Variants in PARN observed in about 807,000 individuals in gnomAD.
The protein encoded by PARN is poly(A)-specific ribonuclease PARN.
PARN carries 71 observed loss-of-function variants against 102.8 expected under a neutral mutation model. The ratio of observed to expected loss-of-function variants is 0.69; its 90% CI spans 0.57 to 0.84. The LOEUF is 0.84. Among genes scored for constraint, PARN ranks in the 40% least tolerant of loss-of-function variants. The pLI is 0.00. For synonymous variants in PARN, 261 were observed against 252.9 expected, an observed-to-expected ratio of 1.03 and a Z score of -0.30; for missense variants, 782 against 760.9, an observed-to-expected ratio of 1.03 and a Z score of -0.33.
chr16:14,555,009 T>C (rs376466222), intron 19 of PARN, among the ~76,000 whole-genome samples: 18 of 152,340 alleles, frequency 1.2e-4, no homozygotes, highest in African/African-American at 4.3e-4. Flanking sequence ...ATATTTAGCA[T>C]ACAGAATTCT....
At chr16:14,465,102 C>T (rs1962246605) in intron 22 of PARN, among the ~76,000 whole-genome samples, 2 of 152,114 alleles carry the variant, frequency 1.3e-5, no homozygotes, top group South Asian at 4.1e-4. Flanking sequence ...ATCTTGCTCT[C>T]TGTTACGTAG....
At chr16:14,440,327 C>G (rs185064670) in intron 23 of PARN, among the ~76,000 whole-genome samples, 4 of 152,256 alleles carry the variant, frequency 2.6e-5, no homozygotes, top group African/African-American at 9.6e-5. Context: ...GCTGAACAAA[C>G]AAGCAAAAGG....
chr16:14,612,079 A>C (rs1348058036), intron 6 of PARN, among the ~76,000 whole-genome samples: 2 of 152,154 alleles, frequency 1.3e-5, no homozygotes, highest in African/African-American at 2.4e-5. Context: ...GTGATTTTCT[A>C]GACATAAGAC....
intron 21 of PARN, among the ~76,000 whole-genome samples, chr16:14,490,177 T>C (rs576916495): frequency 1.3e-5 from 2 of 152,066 alleles, no homozygotes; most frequent in Non-Finnish European, 2.9e-5. Flanking sequence ...AATAAATAAA[T>C]AAAAATAAAA....
chr16:14,488,461 A>T (rs1256525201), intron 21 of PARN, among the ~76,000 whole-genome samples: 2 of 152,254 alleles, frequency 1.3e-5, no homozygotes, highest in Non-Finnish European at 2.9e-5. Context: ...ATAAACTGGA[A>T]GAAGATATCT....
At chr16:14,468,409 G>T (rs1312259542) in intron 22 of PARN, among the ~76,000 whole-genome samples, 2 of 151,980 alleles carry the variant, frequency 1.3e-5, no homozygotes, top group Non-Finnish European at 2.9e-5. Flanking sequence ...AGAAGACACT[G>T]ATGTGGGTCT....
chr16:14,516,937 G>A (rs945961493), intron 21 of PARN, among the ~76,000 whole-genome samples: 5 of 152,206 alleles, frequency 3.3e-5, no homozygotes, highest in Admixed American at 1.3e-4. Context: ...TAGAATAAGA[G>A]TGCTGACTTC....
chr16:14,478,470 A>G (rs1963197452), intron 22 of PARN, among the ~76,000 whole-genome samples: 1 of 152,208 alleles, frequency 6.6e-6, no homozygotes, highest in Non-Finnish European at 1.5e-5. Flanking sequence ...AAAATAATGT[A>G]TATGAACAAC....
intron 22 of PARN, among the ~76,000 whole-genome samples, chr16:14,473,408 TGTGGCGGCTAGACTAGGTAAATCTACA>T (rs1273506759): frequency 6.6e-6 from 1 of 152,252 alleles, no homozygotes; most frequent in African/African-American, 2.4e-5. Context: ...GAGATTTTGC[TGTGGCGGCTAGACTAGGTAAATCTACA>T]GTCCTTTCCA....
chr16:14,616,466 C>CA (rs1182767289), intron 6 of PARN, among the ~76,000 whole-genome samples: 1 of 152,214 alleles, frequency 6.6e-6, no homozygotes, highest in African/African-American at 2.4e-5. Context: ...AACAGGTAGG[C>CA]AGGGTGTGGT....
rs144238272 is a variant in PARN, at chr16:14,582,176, C to T, written c.1192+5G>A. On this transcript the variant is annotated splice_donor_5th_base_variant and intron_variant, in intron 17 of 23. Coordinates refer to ENST00000437198, the MANE Select transcript of PARN (RefSeq NM_002582.4). ...GTGTTTGACTGAAAGACATGTAATG[C>T]GTACCTAGGTAATTGGCCATGGAGA... 164 of 1,554,482 alleles carry T rather than the reference C, an allele frequency of 1.1e-4. 2 individuals are homozygous for T. The South Asian group carries it at 1.6e-3, about 15-fold the overall frequency.
At position 14,488,548 on chromosome 16, in the gene PARN, A is replaced by C. The variant is rs558799013; in HGVS notation, c.1481-5721T>G. ...AAACTAGTGAGGAAACAACTGCAGA[A>C]AAGTGGGCACAAGGCATGAGAAGCA... On this transcript the variant is annotated intron_variant, in intron 21 of 23. Coordinates refer to ENST00000437198, the MANE Select transcript of PARN (RefSeq NM_002582.4). 7.9e-5 allele frequency among the ~76,000 whole-genome samples: 12 copies of C among 152,322 alleles called. No individual in the cohort carries two copies. In the South Asian group the frequency reaches 2.1e-3, roughly 26 times the overall value.
chr16:14,569,424 T>C (rs934027948), intron 18 of PARN, among the ~76,000 whole-genome samples: 1 of 152,094 alleles, frequency 6.6e-6, no homozygotes, highest in Non-Finnish European at 1.5e-5. Context: ...GTTGAAAGAC[T>C]AGAAACCTAG....
intron 22 of PARN, among the ~76,000 whole-genome samples, chr16:14,475,285 A>G (rs1962978157): frequency 6.6e-6 from 1 of 152,232 alleles, no homozygotes; most frequent in Admixed American, 6.5e-5. Context: ...AATAGCACCT[A>G]TCTTTCAGGA....
chr16:14,618,458 C>T (rs1265916372), intron 5 of PARN, among the ~76,000 whole-genome samples: 3 of 150,126 alleles, frequency 2.0e-5, no homozygotes, highest in South Asian at 2.1e-4. Context: ...ACTGCCACTG[C>T]ACTCCAGCCT....
chr16:14,629,069 G>T (rs1305741845), intron 2 of PARN, among the ~76,000 whole-genome samples: 1 of 152,196 alleles, frequency 6.6e-6, no homozygotes, highest in South Asian at 2.1e-4. Flanking sequence ...CCACTTATAT[G>T]AGATGTTAAG....
intron 21 of PARN, among the ~76,000 whole-genome samples, chr16:14,534,595 T>C (rs951445689): frequency 8.5e-5 from 13 of 152,142 alleles, no homozygotes; most frequent in South Asian, 2.1e-4. Flanking sequence ...CTCTAAATTA[T>C]TACATAATAT....
intron 21 of PARN, among the ~76,000 whole-genome samples, chr16:14,535,748 T>C (rs1966579776): frequency 6.6e-6 from 1 of 152,192 alleles, no homozygotes; most frequent in South Asian, 2.1e-4. Flanking sequence ...TTCTGTTTCA[T>C]TGTCGGTTAT....
At chr16:14,463,260 T>C (rs1272545037) in intron 22 of PARN, among the ~76,000 whole-genome samples, 1 of 151,822 alleles carries the variant, frequency 6.6e-6, no homozygotes, top group East Asian at 1.9e-4. Context: ...ATTCCAAATA[T>C]CTCAACGACA....
Sources: gnomAD v4.1 joint callset for allele counts (sites outside exome capture counted in the v4.1 genomes callset) on GRCh38, gnomAD v4.1.1 for gene constraint, MANE v1.5 for transcripts, NCBI Gene and HGNC (gene_info 2026-07-23, HGNC 2026-07-21) for gene names.